Variants in BLTP2 observed in about 807,000 individuals in gnomAD.
BLTP2 encodes the protein bridge-like lipid transfer protein family member 2.
chr17:28,635,546 G>A, the BLTP2 span: 1 of 1,614,126 alleles, frequency 6.2e-7, no homozygotes. Flanking sequence ...GCCAGGACAT[G>A]CTGGTACAGG....
At chr17:28,632,754 A>G in the BLTP2 span, among the ~76,000 whole-genome samples, 1 of 152,074 alleles carries the variant, frequency 6.6e-6, no homozygotes, top group Non-Finnish European at 1.5e-5. Flanking sequence ...TTACTGTTAT[A>G]GCAGCCAAAA....
chr17:28,642,382 T>C, the BLTP2 span: 5 of 1,550,432 alleles, frequency 3.2e-6, no homozygotes, highest in Non-Finnish European at 4.5e-6. Flanking sequence ...CCGGGCGCGG[T>C]GGCTCACGCC....
chr17:28,642,266 C>T, the BLTP2 span: 2 of 1,613,824 alleles, frequency 1.2e-6, no homozygotes, highest in East Asian at 2.2e-5. Flanking sequence ...ATGATCATGG[C>T]ATACTTACCA....
chr17:28,618,642 A>T, the BLTP2 span: 2 of 605,630 alleles, frequency 3.3e-6, no homozygotes, highest in Non-Finnish European at 5.7e-6. Context: ...CATTAATATG[A>T]TTAATGAGCT....
At chr17:28,630,839 T>C in the BLTP2 span, among the ~76,000 whole-genome samples, 1 of 152,146 alleles carries the variant, frequency 6.6e-6, no homozygotes, top group Non-Finnish European at 1.5e-5. Flanking sequence ...CCTTCCCTAA[T>C]TGGGGGAAAG....
the BLTP2 span, among the ~76,000 whole-genome samples, chr17:28,627,379 TC>T: frequency 6.6e-6 from 1 of 151,486 alleles, no homozygotes; most frequent in Non-Finnish European, 1.5e-5. Flanking sequence ...CTGATGGTAT[TC>T]CCCCCTTCAC....
At chr17:28,635,619 G>C in the BLTP2 span, 1 of 1,598,922 alleles carries the variant, frequency 6.3e-7, no homozygotes, top group Non-Finnish European at 8.5e-7. Flanking sequence ...CCTTTAGGGA[G>C]CAGAAGAAAA....
chr17:28,634,891 T>C, the BLTP2 span: 1 of 1,613,966 alleles, frequency 6.2e-7, no homozygotes, highest in Non-Finnish European at 8.5e-7. Context: ...CTTACTTTCA[T>C]CCTTCATCAG....
the BLTP2 span, chr17:28,635,100 A>G: frequency 6.2e-7 from 1 of 1,612,822 alleles, no homozygotes; most frequent in Admixed American, 1.7e-5. Flanking sequence ...CATACTGATA[A>G]GGAAACTCCA....
the BLTP2 span, chr17:28,628,211 C>T: frequency 4.1e-6 from 6 of 1,475,792 alleles, no homozygotes; most frequent in Non-Finnish European, 5.7e-6. Context: ...CCTGTCCAAG[C>T]CCATATCCAT....
At chr17:28,621,585 G>T in the BLTP2 span, 5 of 931,842 alleles carry the variant, frequency 5.4e-6, no homozygotes, top group Admixed American at 3.6e-5. Flanking sequence ...CATGTTTCAA[G>T]TAGTTACACT....
chr17:28,616,675 T>C, the BLTP2 span: 1 of 1,614,186 alleles, frequency 6.2e-7, no homozygotes, highest in Non-Finnish European at 8.5e-7. This position sits in a 1 kb window ranked among gnomAD's most constrained non-coding sequence, Gnocchi z 4.8. Context: ...TCTTCCACAC[T>C]TCGGCCAGGA....
At chr17:28,632,920 C>T in the BLTP2 span, 10 of 1,489,902 alleles carry the variant, frequency 6.7e-6, no homozygotes, top group Non-Finnish European at 8.1e-6. Flanking sequence ...TTCCTCCCCA[C>T]TGCCCCAGGC....
the BLTP2 span, chr17:28,631,828 A>G: frequency 1.2e-6 from 2 of 1,614,018 alleles, no homozygotes; most frequent in Non-Finnish European, 1.7e-6. Flanking sequence ...ACCTTGAGGT[A>G]TAAGCCGCTG....
At chr17:28,620,836 T>C in the BLTP2 span, 3 of 913,736 alleles carry the variant, frequency 3.3e-6, no homozygotes, top group Non-Finnish European at 5.1e-6. Flanking sequence ...TATTTTCTCA[T>C]AGCAGAACTT....
the BLTP2 span, among the ~76,000 whole-genome samples, chr17:28,636,648 G>A: frequency 6.6e-6 from 1 of 152,102 alleles, no homozygotes; most frequent in South Asian, 2.1e-4. Flanking sequence ...AGTTTTGTAT[G>A]TATTTTAAAT....
At chr17:28,640,422 C>T in the BLTP2 span, 1 of 890,780 alleles carries the variant, frequency 1.1e-6, no homozygotes, top group South Asian at 1.7e-5. Context: ...TTAATTTTTC[C>T]CACACTACAT....
At chr17:28,620,043 T>C in the BLTP2 span, 9 of 1,589,594 alleles carry the variant, frequency 5.7e-6, no homozygotes, top group African/African-American at 4.1e-5. Context: ...GAAATGAATA[T>C]GATTTTTAAG....
the BLTP2 span, among the ~76,000 whole-genome samples, chr17:28,631,223 G>A: frequency 0.072 from 10,887 of 152,148 alleles, 1,129 homozygotes; most frequent in African/African-American, 0.23. Context: ...GAGCACTCGT[G>A]CACACTTGTG....
Sources: allele counts gnomAD v4.1 joint callset (sites outside exome capture counted in the v4.1 genomes callset), GRCh38; gene constraint gnomAD v4.1.1; non-coding constraint Gnocchi (gnomAD v3.1); transcripts MANE v1.5; gene names NCBI Gene and HGNC (gene_info 2026-07-23, HGNC 2026-07-21).